Variants in TNS3 observed in about 807,000 individuals in gnomAD.
The protein encoded by TNS3 is tensin 3.
A neutral mutation model predicts 140.9 loss-of-function variants in TNS3; 45 were observed. The observed-to-expected ratio is 0.32, with a 90% CI of 0.25 to 0.41. The LOEUF (loss-of-function observed/expected upper bound fraction) is 0.41. Ranked by LOEUF, TNS3 falls within the 10% of genes least tolerant of loss-of-function variation. The probability of loss-of-function intolerance (pLI) is 1.00; values close to 1 mark genes in which losing one functional copy is unlikely to be tolerated. For synonymous variants in TNS3, 815 were observed against 788.4 expected (o/e 1.03, Z -0.56); for missense variants, 1,716 against 1,906.7 (o/e 0.90, Z 1.86).
At chr7:47,290,262 TAAAA>T (rs1369461932) in intron 27 of TNS3, among the ~76,000 whole-genome samples, 2 of 152,212 alleles carry the variant, frequency 1.3e-5, no homozygotes, top group East Asian at 3.8e-4. Flanking sequence ...GACTTAAAGG[TAAAA>T]TTTGAAACTA....
At chr7:47,427,034 G>A (rs894668313) in intron 9 of TNS3, among the ~76,000 whole-genome samples, 1 of 149,870 alleles carries the variant, frequency 6.7e-6, no homozygotes, top group Non-Finnish European at 1.5e-5. Flanking sequence ...GCTGAGGCAG[G>A]AGAATCGCTT....
intron 1 of TNS3, among the ~76,000 whole-genome samples, chr7:47,547,560 A>G (rs1799953871): frequency 6.6e-6 from 1 of 152,040 alleles, no homozygotes; most frequent in Admixed American, 6.5e-5. Context: ...ACTGGGGACA[A>G]TCCTATAGTT....
intron 16 of TNS3, among the ~76,000 whole-genome samples, chr7:47,389,116 A>AAGCG (rs1792338194): frequency 1.3e-4 from 1 of 7,758 alleles, no homozygotes; most frequent in Non-Finnish European, 5.2e-4. Context: ...AAGCAGAAGA[A>AAGCG]GAAGAAGAAG....
At chr7:47,495,208 A>AG (rs1364080455) in intron 3 of TNS3, among the ~76,000 whole-genome samples, 12 of 151,776 alleles carry the variant, frequency 7.9e-5, no homozygotes, top group Non-Finnish European at 1.8e-4. Flanking sequence ...AAAAAAAAAA[A>AG]AAAGAAACGT....
intron 27 of TNS3, 23 bp downstream of exon 27, chr7:47,291,932 G>GA (rs763208909): frequency 6.2e-7 from 1 of 1,613,142 alleles, no homozygotes; most frequent in Admixed American, 1.7e-5. Flanking sequence ...ACCAGATGTA[G>GA]AAATGGAGCT....
rs1236634237 is a variant in TNS3 at position 47,574,351 on chromosome 7, T to C, written c.-265+7700A>G. On this transcript the variant is annotated intron_variant, in intron 1 of 30. Coordinates refer to ENST00000311160, the MANE Select transcript of TNS3 (RefSeq NM_022748.12). Reference sequence around the variant, plus strand: ...TAAGAAGTCTCCCTCTTCCTTTTCCTGCAGGCCTGGTTTTTACCCTGGGGG... The same window carrying C: ...TAAGAAGTCTCCCTCTTCCTTTTCCCGCAGGCCTGGTTTTTACCCTGGGGG... Among the ~76,000 whole-genome samples the C allele has an allele frequency of 2.6e-5, 4 of 152,150 alleles. No individual in the cohort carries two copies. The East Asian group carries it at 7.7e-4, about 29-fold the overall frequency.
intron 3 of TNS3, among the ~76,000 whole-genome samples, chr7:47,490,966 G>A (rs56091439): frequency 6.6e-6 from 1 of 152,144 alleles, no homozygotes; most frequent in African/African-American, 2.4e-5. Context: ...GTAGAGGAAA[G>A]GGGCTCAAAA....
intron 4 of TNS3, among the ~76,000 whole-genome samples, chr7:47,458,110 A>T (rs955700777): frequency 1.3e-5 from 2 of 152,184 alleles, no homozygotes; most frequent in African/African-American, 2.4e-5. Context: ...CACTACACAG[A>T]AACATGGGTG....
At chr7:47,444,678 C>T (rs1316193975) in intron 4 of TNS3, among the ~76,000 whole-genome samples, 4 of 141,212 alleles carry the variant, frequency 2.8e-5, no homozygotes, top group Non-Finnish European at 4.8e-5. Flanking sequence ...CAGACAGACC[C>T]ACGGGATCTT....
Position 47,389,067 on chromosome 7 carries a change from A to C in TNS3, c.1024+7733T>G, listed in dbSNP as rs1173636118. The stretch of plus-strand genomic sequence containing the variant: ...GAAGAAGAAGAAGAAGAAGAAGAAG[A>C]AGAAGAAGAAGAAGAAGAGGAAGAG... On this transcript the variant is annotated intron_variant, in intron 16 of 30. Coordinates refer to ENST00000311160, the MANE Select transcript of TNS3 (RefSeq NM_022748.12). 6.5e-4 allele frequency among the ~76,000 whole-genome samples: 48 copies of C among 73,992 alleles called. 11 individuals carry two copies. The highest frequency in any genetic ancestry group is 2.8e-3 in the African/African-American group (44 of 15,678). 48.5% of individuals were successfully genotyped at this position (73,992 alleles called of 152,430 possible). A position where few individuals can be genotyped will look rare whatever the true frequency, so the allele number is the denominator to read the frequency against.
intron 3 of TNS3, among the ~76,000 whole-genome samples, chr7:47,493,660 T>C (rs1018175222): frequency 2.6e-5 from 2 of 77,852 alleles, no homozygotes; most frequent in African/African-American, 1.1e-4. Context: ...CTACTAAAAA[T>C]ACAAAAAAAA....
chr7:47,485,665 G>A (rs909496742), intron 3 of TNS3, among the ~76,000 whole-genome samples: 3 of 152,274 alleles, frequency 2.0e-5, no homozygotes, highest in African/African-American at 7.2e-5. Context: ...CCCTCCCATG[G>A]TGGAGGCGAG....
intron 4 of TNS3, among the ~76,000 whole-genome samples, chr7:47,467,974 G>A (rs549572557): frequency 2.4e-4 from 36 of 152,124 alleles, no homozygotes; most frequent in African/African-American, 8.4e-4. Context: ...ATGCACAAAC[G>A]AATGCCTCCT....
chr7:47,396,681 T>C (rs1792848639), intron 16 of TNS3, 119 bp downstream of exon 16: 1 of 815,010 alleles, frequency 1.2e-6, no homozygotes. Flanking sequence ...TCTGGACCTC[T>C]GAGAAAACAG....
At chr7:47,445,537 A>G (rs1795686766) in intron 4 of TNS3, among the ~76,000 whole-genome samples, 1 of 152,180 alleles carries the variant, frequency 6.6e-6, no homozygotes, top group African/African-American at 2.4e-5. Context: ...CATGAACATC[A>G]GTGAGGATAA....
chr7:47,515,468 CATT>C (rs930053656), intron 2 of TNS3, among the ~76,000 whole-genome samples: 3 of 152,178 alleles, frequency 2.0e-5, no homozygotes, highest in Non-Finnish European at 4.4e-5. Flanking sequence ...TCATCACCAT[CATT>C]GTCACCATTC....
chr7:47,358,087 T>C (rs914157122), intron 17 of TNS3, among the ~76,000 whole-genome samples: 2 of 152,100 alleles, frequency 1.3e-5, no homozygotes, highest in African/African-American at 4.8e-5. Context: ...TGCATTGGTT[T>C]TCTTTTTGGA....
At chr7:47,344,598 T>TAC (rs1789211817) in intron 20 of TNS3, among the ~76,000 whole-genome samples, 157 bp downstream of exon 20, 1 of 152,242 alleles carries the variant, frequency 6.6e-6, no homozygotes, top group African/African-American at 2.4e-5. Flanking sequence ...GCCACATCCC[T>TAC]ACATCTTTCC....
chr7:47,392,598 G>C (rs1182379670), intron 16 of TNS3, among the ~76,000 whole-genome samples: 1 of 152,218 alleles, frequency 6.6e-6, no homozygotes, highest in Non-Finnish European at 1.5e-5. Flanking sequence ...TCAAAGCACT[G>C]GACAGCTCTG....
Sources: allele counts gnomAD v4.1 joint callset (sites outside exome capture counted in the v4.1 genomes callset), GRCh38; gene constraint gnomAD v4.1.1; transcripts MANE v1.5; gene names NCBI Gene and HGNC (gene_info 2026-07-23, HGNC 2026-07-21).